MDGA2: variants seen among roughly 807,000 people sequenced by gnomAD.
MDGA2 encodes the protein MAM domain containing glycosylphosphatidylinositol anchor 2, also known as MAM domain-containing glycosylphosphatidylinositol anchor protein 2.
A neutral mutation model predicts 117.8 loss-of-function variants in MDGA2; 40 were observed. The ratio of observed to expected loss-of-function variants is 0.34; its 90% confidence interval spans 0.26 to 0.44. The LOEUF is 0.44. Ranked by LOEUF, MDGA2 falls within the 20% of genes least tolerant of loss-of-function variation. The pLI is 1.00. For missense variants in MDGA2, 1,123 were observed against 1,250.6 expected (o/e 0.90, Z 1.54); for synonymous variants, 452 against 439.0 (o/e 1.03, Z -0.37).
At chr14:47,497,813 G>T (rs1202293544) in intron 1 of MDGA2, among the ~76,000 whole-genome samples, 2 of 152,010 alleles carry the variant, frequency 1.3e-5, no homozygotes, top group Non-Finnish European at 2.9e-5. Flanking sequence ...TACTTTATCA[G>T]AACATTTCCT....
intron 1 of MDGA2, among the ~76,000 whole-genome samples, chr14:47,527,105 C>T (rs763217922): frequency 6.6e-6 from 1 of 152,198 alleles, no homozygotes; most frequent in Admixed American, 6.5e-5. Flanking sequence ...TCACTTAATT[C>T]ACACAGAGGG....
At chr14:47,441,376 T>C (rs780808428) in intron 1 of MDGA2, among the ~76,000 whole-genome samples, 1 of 152,174 alleles carries the variant, frequency 6.6e-6, no homozygotes, top group African/African-American at 2.4e-5. Flanking sequence ...CTGGATTTCA[T>C]TGACTGAAAT....
At chr14:47,533,523 G>T (rs1895144540) in intron 1 of MDGA2, among the ~76,000 whole-genome samples, 1 of 152,170 alleles carries the variant, frequency 6.6e-6, no homozygotes, top group South Asian at 2.1e-4. Flanking sequence ...ACAGAAATAG[G>T]AGATGATGTC....
chr14:46,975,617 A>C (rs1303627504), intron 8 of MDGA2, among the ~76,000 whole-genome samples: 1 of 152,160 alleles, frequency 6.6e-6, no homozygotes, highest in Non-Finnish European at 1.5e-5. Context: ...TTATGATTTC[A>C]CTCACATAGA....
intron 9 of MDGA2, among the ~76,000 whole-genome samples, chr14:46,941,639 A>G (rs527571086): frequency 3.9e-5 from 6 of 152,256 alleles, no homozygotes; most frequent in East Asian, 3.9e-4. Context: ...TTACCATTCA[A>G]TTTCTACCGG....
intron 1 of MDGA2, among the ~76,000 whole-genome samples, chr14:47,661,225 T>C (rs74546495): frequency 0.093 from 14,171 of 152,158 alleles, 678 homozygotes; most frequent in Non-Finnish European, 0.11. Context: ...TTACATACAT[T>C]TCATATTTGA....
intron 16 of MDGA2, among the ~76,000 whole-genome samples, chr14:46,845,297 T>C (rs967258077): frequency 6.6e-6 from 1 of 152,212 alleles, no homozygotes; most frequent in Non-Finnish European, 1.5e-5. Flanking sequence ...TGAGTTTCCT[T>C]AGGCCTCCCA....
intron 1 of MDGA2, among the ~76,000 whole-genome samples, chr14:47,591,432 C>T (rs1171288273): frequency 6.6e-6 from 1 of 152,108 alleles, no homozygotes; most frequent in Non-Finnish European, 1.5e-5. Flanking sequence ...GTGACTTCTT[C>T]CTAACTCATT....
intron 1 of MDGA2, among the ~76,000 whole-genome samples, chr14:47,305,070 A>G (rs1314112040): frequency 1.3e-5 from 2 of 151,992 alleles, no homozygotes; most frequent in East Asian, 3.9e-4. Context: ...ATATCACATA[A>G]TTCACAGCAC....
rs558681035 is a variant in MDGA2, at chr14:47,503,227, A to G, written c.280+171290T>C. 7.9e-4 allele frequency among the ~76,000 whole-genome samples: 120 copies of G among 152,204 alleles called. 2 individuals carry two copies. The South Asian group carries it at 0.023, about 29-fold the overall frequency. ...TTTAAAATCTGTTGATGATCAGTAC[A>G]GTGGATATAGCTGGGTTCCATGTCC... On this transcript the variant is annotated intron_variant, in intron 1 of 16. Coordinates refer to ENST00000399232, the MANE Select transcript of MDGA2 (RefSeq NM_001113498.3).
chr14:46,866,283 C>A (rs1445327954), intron 14 of MDGA2, among the ~76,000 whole-genome samples: 7 of 151,996 alleles, frequency 4.6e-5, no homozygotes, highest in African/African-American at 1.2e-4. Context: ...GAAAAACAAG[C>A]AATGGGGAAA....
intron 1 of MDGA2, among the ~76,000 whole-genome samples, chr14:47,448,131 ATTTAT>A (rs1048022102): frequency 2.4e-4 from 36 of 148,372 alleles, no homozygotes; most frequent in Admixed American, 4.7e-4. Context: ...TACTTTATTT[ATTTAT>A]TTTATTTTAT....
At chr14:46,871,773 T>C (rs1882008758) in intron 14 of MDGA2, 1 of 171,862 alleles carries the variant, frequency 5.8e-6, no homozygotes. Flanking sequence ...GTGATTTCTC[T>C]GAAGTATTAC....
chr14:47,018,101 C>A (rs1404602528), intron 8 of MDGA2, among the ~76,000 whole-genome samples: 2 of 151,866 alleles, frequency 1.3e-5, no homozygotes, highest in African/African-American at 4.8e-5. Context: ...CAAATTGACC[C>A]TATGTTGTGG....
chr14:46,967,610 T>A (rs1886086917), intron 8 of MDGA2, among the ~76,000 whole-genome samples: 1 of 152,106 alleles, frequency 6.6e-6, no homozygotes, highest in Admixed American at 6.6e-5. Flanking sequence ...TTCACCTTCA[T>A]CAATCCTTAC....
chr14:47,440,671 AC>A (rs1461784812), intron 1 of MDGA2, among the ~76,000 whole-genome samples: 1 of 88,182 alleles, frequency 1.1e-5, no homozygotes, highest in African/African-American at 4.5e-5. Flanking sequence ...ATGATTCTAC[AC>A]TTTCTGTAGG....
At chr14:47,488,070 C>T (rs187741016) in intron 1 of MDGA2, among the ~76,000 whole-genome samples, 1 of 152,168 alleles carries the variant, frequency 6.6e-6, no homozygotes. Context: ...TGGGTTATCT[C>T]AATGCTCCAA....
At chr14:47,571,259 T>C (rs1226023006) in intron 1 of MDGA2, among the ~76,000 whole-genome samples, 2 of 152,166 alleles carry the variant, frequency 1.3e-5, no homozygotes, top group Non-Finnish European at 2.9e-5. Context: ...AAACAATAGA[T>C]GCTGGAGAAG....
At chr14:47,068,576 A>T (rs755517621) in intron 6 of MDGA2, among the ~76,000 whole-genome samples, 1 of 151,888 alleles carries the variant, frequency 6.6e-6, no homozygotes, top group Non-Finnish European at 1.5e-5. Flanking sequence ...CTGGCCCTAT[A>T]ATGTTAAAAA....
Sources: gnomAD v4.1 joint callset for allele counts (sites outside exome capture counted in the v4.1 genomes callset) on GRCh38, gnomAD v4.1.1 for gene constraint, MANE v1.5 for transcripts, NCBI Gene and HGNC (gene_info 2026-07-23, HGNC 2026-07-21) for gene names.